The following TMEFF2 variants were observed in gnomAD, a reference collection of about 807,000 sequenced individuals.
The protein encoded by TMEFF2 is transmembrane protein with EGF like and two follistatin like domains 2.
A neutral mutation model predicts 53.8 loss-of-function variants in TMEFF2; 28 were observed. That is an observed-to-expected ratio of 0.52 (90% CI 0.39 to 0.71). TMEFF2 has a LOEUF of 0.71. Ranked by LOEUF, TMEFF2 falls within the 30% of genes least tolerant of loss-of-function variation. The probability of loss-of-function intolerance (pLI) is 0.00; values close to 1 mark genes in which losing one functional copy is unlikely to be tolerated. For missense variants in TMEFF2, 353 were observed against 455.2 expected (o/e 0.78, Z 2.04); for synonymous variants, 162 against 166.3 (o/e 0.97, Z 0.20).
At chr2:191,974,266 T>G (rs1446425954) in intron 7 of TMEFF2, among the ~76,000 whole-genome samples, 2 of 152,066 alleles carry the variant, frequency 1.3e-5, no homozygotes, top group Admixed American at 1.3e-4. Context: ...ACAGAATTTT[T>G]TTTGTGTGTG....
At chr2:191,978,500 C>A (rs1473995530) in intron 7 of TMEFF2, among the ~76,000 whole-genome samples, 1 of 151,934 alleles carries the variant, frequency 6.6e-6, no homozygotes, top group African/African-American at 2.4e-5. Flanking sequence ...CTGAAGACCA[C>A]CCTGATTTCT....
chr2:192,108,625 T>C (rs1180851286), intron 4 of TMEFF2, among the ~76,000 whole-genome samples: 1 of 151,972 alleles, frequency 6.6e-6, no homozygotes, highest in African/African-American at 2.4e-5. Context: ...ACAGTCACTG[T>C]GGAAAAGAGT....
intron 7 of TMEFF2, among the ~76,000 whole-genome samples, chr2:191,957,168 T>C (rs888483112): frequency 2.0e-5 from 3 of 152,210 alleles, no homozygotes; most frequent in African/African-American, 7.2e-5. Context: ...TTCATAGATA[T>C]TTGAAATTTT....
chr2:192,089,600 G>GGTCT (rs1688743684), intron 4 of TMEFF2, among the ~76,000 whole-genome samples: 1 of 152,058 alleles, frequency 6.6e-6, no homozygotes, highest in African/African-American at 2.4e-5. Context: ...CTGCGATTTG[G>GGTCT]GTCTACCTCT....
chr2:192,013,527 T>A (rs1686679047), intron 5 of TMEFF2, among the ~76,000 whole-genome samples: 1 of 151,932 alleles, frequency 6.6e-6, no homozygotes, highest in South Asian at 2.1e-4. Flanking sequence ...CTCACTGCAC[T>A]GTAACCTCCG....
chr2:192,140,316 T>C (rs930502871), intron 4 of TMEFF2, among the ~76,000 whole-genome samples: 5 of 152,212 alleles, frequency 3.3e-5, no homozygotes, highest in Admixed American at 6.5e-5. Context: ...TGGAGGGTCC[T>C]TATGGTGCCT....
At chr2:192,043,877 T>C (rs530160031) in intron 5 of TMEFF2, 3 of 152,376 alleles carry the variant, frequency 2.0e-5, no homozygotes, top group East Asian at 1.9e-4. Flanking sequence ...GTGATTCTTA[T>C]GTTCTCACTC....
chr2:192,193,128 C>T (rs1490112776), intron 1 of TMEFF2, among the ~76,000 whole-genome samples: 1 of 152,210 alleles, frequency 6.6e-6, no homozygotes, highest in African/African-American at 2.4e-5. Context: ...ATTCCCTCCT[C>T]TCTAAAGTTA....
chr2:192,093,959 C>T (rs535496515), intron 4 of TMEFF2, among the ~76,000 whole-genome samples: 1 of 152,120 alleles, frequency 6.6e-6, no homozygotes. Context: ...ACACATGGAT[C>T]CATGTTGCTA....
Position 192,194,321 on chromosome 2 carries a change from TA to T in TMEFF2, c.172+31del. 1 of 1,610,690 alleles carries T rather than the reference TA, an allele frequency of 6.2e-7. No individual in the cohort carries two copies. Among genetic ancestry groups the T allele is most frequent in the Non-Finnish European group, 8.5e-7 (1 of 1,177,760 alleles). ...GGATACGCGTGTTCTTCTGCGGAGT[TA>T]AAGGGTCGGGGACGGGGGTTCTGGA... On this transcript the variant is annotated intron_variant, in intron 1 of 9. Transcript: ENST00000272771. This position sits in a 1 kb window ranked among gnomAD's most constrained non-coding sequence, Gnocchi z 4.2.
chr2:192,020,021 T>C (rs79094666), intron 5 of TMEFF2, among the ~76,000 whole-genome samples: 1 of 152,096 alleles, frequency 6.6e-6, no homozygotes, highest in East Asian at 1.9e-4. Context: ...AACCATTCTG[T>C]TGGGAGCACA....
intron 4 of TMEFF2, among the ~76,000 whole-genome samples, chr2:192,106,863 A>G (rs1020656185): frequency 3.3e-5 from 5 of 151,720 alleles, no homozygotes; most frequent in Non-Finnish European, 4.4e-5. Flanking sequence ...ATTATTTCCC[A>G]TTCAGTGAAC....
intron 5 of TMEFF2, among the ~76,000 whole-genome samples, chr2:192,037,458 T>TA (rs951188971): frequency 5.9e-5 from 9 of 151,748 alleles, no homozygotes; most frequent in Non-Finnish European, 2.9e-5. Context: ...GGCAGGTCCT[T>TA]CTGCCTTAGA....
intron 4 of TMEFF2, among the ~76,000 whole-genome samples, chr2:192,092,697 T>C (rs1413476544): frequency 6.6e-6 from 1 of 152,014 alleles, no homozygotes; most frequent in African/African-American, 2.4e-5. Context: ...TTGGGCTCAA[T>C]GTAATTACAA....
chr2:192,112,282 C>T (rs1167119298), intron 4 of TMEFF2, among the ~76,000 whole-genome samples: 1 of 152,142 alleles, frequency 6.6e-6, no homozygotes, highest in African/African-American at 2.4e-5. Context: ...GCAGAGCTGC[C>T]CAAGGCCATG....
intron 4 of TMEFF2, among the ~76,000 whole-genome samples, chr2:192,173,332 T>G (rs1162803391): frequency 6.6e-6 from 1 of 151,874 alleles, no homozygotes; most frequent in East Asian, 1.9e-4. Context: ...CTATAAACTA[T>G]ACAGCATTTT....
intron 4 of TMEFF2, among the ~76,000 whole-genome samples, chr2:192,086,775 C>T (rs1194936740): frequency 4.6e-5 from 7 of 152,072 alleles, no homozygotes; most frequent in African/African-American, 1.7e-4. Context: ...GGCCTACATG[C>T]AACCTCTCAA....
intron 4 of TMEFF2, among the ~76,000 whole-genome samples, chr2:192,120,581 T>C (rs1316068131): frequency 6.6e-6 from 1 of 152,226 alleles, no homozygotes; most frequent in Non-Finnish European, 1.5e-5. Context: ...GGAGACTTTC[T>C]CTTCCCAGCT....
At chr2:192,172,635 G>T (rs1690944174) in intron 4 of TMEFF2, among the ~76,000 whole-genome samples, 1 of 151,938 alleles carries the variant, frequency 6.6e-6, no homozygotes, top group African/African-American at 2.4e-5. Context: ...AAACAAAGGG[G>T]AAAAGTAATA....
Sources: gnomAD v4.1 joint callset for allele counts (sites outside exome capture counted in the v4.1 genomes callset) on GRCh38, gnomAD v4.1.1 for gene constraint, Gnocchi (gnomAD v3.1) non-coding constraint, MANE v1.5 for transcripts, NCBI Gene and HGNC (gene_info 2026-07-23, HGNC 2026-07-21) for gene names.